The following ADSS2 variants were observed in gnomAD, a reference collection of about 807,000 sequenced individuals.
ADSS2 encodes adenylosuccinate synthetase isozyme 2.
ADSS2 carries 30 observed loss-of-function variants against 60.0 expected under a neutral mutation model. The ratio of observed to expected loss-of-function variants is 0.50; its 90% CI spans 0.37 to 0.68. The LOEUF is 0.68. Ranked by LOEUF, ADSS2 falls within the 30% of genes least tolerant of loss-of-function variation. The probability of loss-of-function intolerance (pLI) is 0.00; values close to 1 mark genes in which losing one functional copy is unlikely to be tolerated. For missense variants in ADSS2, 373 were observed against 554.8 expected (o/e 0.67, Z 3.29); for synonymous variants, 187 against 193.1 (o/e 0.97, Z 0.26).
In ADSS2 at chr1:244,417,701, C is replaced by G; in HGVS notation, c.997G>C (p.Gly333Arg). 6.2e-7 allele frequency: 1 copy of G among 1,613,092 alleles called. No homozygotes were observed. ...AACCAGCCACATCTTCTTTTCCTTC[C>G]AGTAGTTACACCAAACTCTCTACCC... ...TRGREFGVTT[G>R]RKRRCGWLDL... Residue 333 changes from glycine (G) to arginine (R), a missense_variant, in exon 10 of 13, where the codon GGA (glycine) becomes CGA (arginine). By Grantham distance (125) the Gly-to-Arg change is moderately radical. Around this residue, in one of 5 missense-constraint regions of ADSS2, gnomAD observed 130 missense variants for 169.4 expected, o/e 0.77. Coordinates refer to ENST00000366535, the MANE Select transcript of ADSS2 (RefSeq NM_001126.5).
Position 244,409,330 on chromosome 1 carries a change from G to GAA in ADSS2, c.*254_*255dup, listed in dbSNP as rs76040005. 10,467 of 304,528 alleles carry GAA rather than the reference G, an allele frequency of 0.034. No homozygotes were observed. Among genetic ancestry groups the GAA allele is most frequent in the South Asian group, 0.047 (581 of 12,266 alleles). 18.9% of individuals were successfully genotyped at this position (304,528 alleles called of 1,614,324 possible). A position where few individuals can be genotyped will look rare whatever the true frequency, so the allele number is the denominator to read the frequency against. On this transcript the variant is annotated 3_prime_UTR_variant, in exon 13 of 13. Coordinates refer to ENST00000366535, the MANE Select transcript of ADSS2 (RefSeq NM_001126.5). ...ATGGATTATACTATTACTAAACATT[G>GAA]AAAAAAAAAACGTGGCACCATGAGA...
intron 1 of ADSS2, among the ~76,000 whole-genome samples, chr1:244,440,774 T>C (rs747408357): frequency 6.6e-6 from 1 of 152,214 alleles, no homozygotes; most frequent in Non-Finnish European, 1.5e-5. Context: ...ACTATATACA[T>C]GTGGGCAGCT....
intron 11 of ADSS2, among the ~76,000 whole-genome samples, chr1:244,413,711 T>C (rs1664468212): frequency 6.6e-6 from 1 of 152,074 alleles, no homozygotes; most frequent in East Asian, 1.9e-4. Flanking sequence ...AGCAGGACCA[T>C]CAGAGGCTTA....
chr1:244,450,712 T>G (rs1159187460), intron 1 of ADSS2, among the ~76,000 whole-genome samples: 2 of 152,224 alleles, frequency 1.3e-5, no homozygotes, highest in Non-Finnish European at 2.9e-5. Context: ...TGAGAGCCTT[T>G]ACAAAGGCCT....
chr1:244,422,946 C>CCA (rs777569716), intron 6 of ADSS2, 30 bp from the exon 7 acceptor site: 1 of 1,359,986 alleles, frequency 7.4e-7, no homozygotes, highest in Non-Finnish European at 1.0e-6. Context: ...CAAGACATTA[C>CCA]CACTCTGTGA....
rs1035426984 is a variant in ADSS2 at position 244,451,893 on chromosome 1, G to A, written c.-76C>T. 11 of 1,373,582 alleles carry A rather than the reference G, an allele frequency of 8.0e-6. No individual in the cohort carries two copies. The highest frequency in any genetic ancestry group is 9.5e-6 in the Non-Finnish European group (10 of 1,048,060). 85.1% of individuals were successfully genotyped at this position (1,373,582 alleles called of 1,614,324 possible). A position where few individuals can be genotyped will look rare whatever the true frequency, so the allele number is the denominator to read the frequency against. ...GAGCGAACTGAACTGCTCTGCGGCCGCCAGCCACATGCAGAGGAAGAAGGA... is the reference window on the plus strand; with the variant it reads ...GAGCGAACTGAACTGCTCTGCGGCCACCAGCCACATGCAGAGGAAGAAGGA... On this transcript the variant is annotated 5_prime_UTR_variant, in exon 1 of 13. Transcript: ENST00000366535. The surrounding 1 kb of genome is among the most constrained non-coding windows in gnomAD (Gnocchi z 6.6).
intron 3 of ADSS2, among the ~76,000 whole-genome samples, chr1:244,435,182 A>C (rs1307387673): frequency 8.7e-5 from 13 of 149,546 alleles, no homozygotes; most frequent in Admixed American, 6.0e-4. Flanking sequence ...AAAAAAAAAA[A>C]AAAAAAAAAA....
intron 4 of ADSS2, among the ~76,000 whole-genome samples, chr1:244,428,632 G>A (rs1664862663): frequency 6.6e-6 from 1 of 151,092 alleles, no homozygotes; most frequent in Non-Finnish European, 1.5e-5. Flanking sequence ...AGAAAGAAGA[G>A]AAAGAGCTGA....
intron 3 of ADSS2, among the ~76,000 whole-genome samples, chr1:244,435,704 T>A (rs1665082747): frequency 6.6e-6 from 1 of 152,198 alleles, no homozygotes; most frequent in Non-Finnish European, 1.5e-5. Flanking sequence ...AACACCAACA[T>A]TCTTGACTCT....
At chr1:244,432,665 T>TC (rs1239371153) in intron 3 of ADSS2, 70 bp from the exon 4 acceptor site, 5 of 868,004 alleles carry the variant, frequency 5.8e-6, no homozygotes, top group African/African-American at 3.9e-5. Context: ...AATTTCTTTT[T>TC]TTTTTTTTTT....
At chr1:244,448,703 G>A (rs1665456285) in intron 1 of ADSS2, among the ~76,000 whole-genome samples, 1 of 152,160 alleles carries the variant, frequency 6.6e-6, no homozygotes, top group Non-Finnish European at 1.5e-5. Context: ...TGAGAGAACT[G>A]GGGAAAAAAC....
At chr1:244,424,787 G>A (rs1664758979) in intron 4 of ADSS2, 1 of 186,950 alleles carries the variant, frequency 5.3e-6, no homozygotes, top group East Asian at 1.5e-4. Context: ...CACCAAAACT[G>A]CAGTCTCCTA....
intron 1 of ADSS2, among the ~76,000 whole-genome samples, chr1:244,444,323 G>A (rs899050070): frequency 3.3e-5 from 5 of 150,498 alleles, no homozygotes; most frequent in Non-Finnish European, 5.9e-5. Flanking sequence ...AGACCATCCC[G>A]GCTAAAACGG....
At chr1:244,420,902 G>C (rs1664659196) in intron 7 of ADSS2, among the ~76,000 whole-genome samples, 1 of 151,888 alleles carries the variant, frequency 6.6e-6, no homozygotes, top group African/African-American at 2.4e-5. Context: ...GAGTTGCCCA[G>C]GTTGCCCAGG....
At chr1:244,412,847 A>G (rs1038238843) in intron 11 of ADSS2, among the ~76,000 whole-genome samples, 1 of 152,178 alleles carries the variant, frequency 6.6e-6, no homozygotes, top group Non-Finnish European at 1.5e-5. Flanking sequence ...TGGGTCTGCA[A>G]AAGGTCCCAT....
At position 244,417,614 on chromosome 1, in the gene ADSS2, TGAA is replaced by T. The variant is rs1269992093; in HGVS notation, c.1070+11_1070+13del. 1 of 1,610,602 alleles carries T rather than the reference TGAA, an allele frequency of 6.2e-7. No homozygotes were observed. Among genetic ancestry groups the T allele is most frequent in the Non-Finnish European group, 8.5e-7 (1 of 1,179,366 alleles). ...TATGATTTCCTGAAATAAATGTTTC[TGAA>T]GAATACTCACGCAGTAAATCCATTG... On this transcript the variant is annotated intron_variant, in intron 10 of 12. Coordinates refer to ENST00000366535, the MANE Select transcript of ADSS2 (RefSeq NM_001126.5).
In ADSS2 at chr1:244,451,619, G is replaced by C; in HGVS notation, c.183+16C>G. ...CTCCCGGGCCCGGCTTCCCATGAGA[G>C]GCCCCGTCGCCTCACCTGGCAGCGG... On this transcript the variant is annotated intron_variant, in intron 1 of 12. Transcript: ENST00000366535. The surrounding 1 kb of genome is among the most constrained non-coding windows in gnomAD (Gnocchi z 6.6). 1 of 1,599,562 alleles carries C rather than the reference G, an allele frequency of 6.3e-7. No individual in the cohort carries two copies. The highest frequency in any genetic ancestry group is 8.5e-7 in the Non-Finnish European group (1 of 1,172,204).
intron 4 of ADSS2, 96 bp from the exon 5 acceptor site, chr1:244,424,483 G>A (rs1330918057): frequency 2.1e-6 from 2 of 971,432 alleles, no homozygotes; most frequent in Non-Finnish European, 3.2e-6. Context: ...AATCCCTTCA[G>A]CCTCATTTCA....
chr1:244,448,990 CTCTT>C (rs1665467288), intron 1 of ADSS2, among the ~76,000 whole-genome samples: 1 of 152,136 alleles, frequency 6.6e-6, no homozygotes, highest in African/African-American at 2.4e-5. Context: ...TAATTCTTCT[CTCTT>C]CTTCTTAAAA....
Sources: allele counts gnomAD v4.1 joint callset (sites outside exome capture counted in the v4.1 genomes callset), GRCh38; gene constraint gnomAD v4.1.1; regional missense constraint gnomAD v4.1.1; non-coding constraint Gnocchi (gnomAD v3.1); transcripts MANE v1.5; gene names NCBI Gene and HGNC (gene_info 2026-07-23, HGNC 2026-07-21).